The following TCAIM variants were observed in gnomAD, a reference collection of about 807,000 sequenced individuals.
The protein encoded by TCAIM is T cell activation inhibitor, mitochondrial, also known as T-cell activation inhibitor, mitochondrial.
In TCAIM, 36 loss-of-function variants were observed where a neutral mutation model predicts 58.6. The observed-to-expected ratio is 0.61, with a 90% CI of 0.47 to 0.81. The LOEUF (loss-of-function observed/expected upper bound fraction) is 0.81. Ranked by LOEUF, TCAIM falls within the 30% of genes least tolerant of loss-of-function variation. TCAIM has a pLI of 0.00. For synonymous variants in TCAIM, 172 were observed against 193.6 expected, an observed-to-expected ratio of 0.89 and a Z score of 0.93; for missense variants, 466 against 579.6, an observed-to-expected ratio of 0.80 and a Z score of 2.01.
At chr3:44,358,456 T>C in intron 3 of TCAIM, 1 of 555,666 alleles carries the variant, frequency 1.8e-6, no homozygotes. Context: ...CTGAAAATAT[T>C]AGGGGAAAAA....
In TCAIM at chr3:44,365,534, G is replaced by A. The variant is rs541680144; in HGVS notation, c.320-1922G>A. The stretch of plus-strand genomic sequence containing the variant: ...GTAGAGACGGAGTTTCACCTTGTTG[G>A]CCAGGCTGGTCTCCAACTCCTGGCC... On this transcript the variant is annotated intron_variant, in intron 4 of 10. Transcript: ENST00000342649. Among the ~76,000 whole-genome samples, 250 of 152,140 alleles carry A rather than the reference G, an allele frequency of 1.6e-3. 1 individual carries two copies. Among genetic ancestry groups the A allele is most frequent in the African/African-American group, 5.8e-3 (241 of 41,512 alleles).
At chr3:44,366,379 C>T (rs1385691366) in intron 4 of TCAIM, among the ~76,000 whole-genome samples, 1 of 151,844 alleles carries the variant, frequency 6.6e-6, no homozygotes, top group Non-Finnish European at 1.5e-5. Context: ...CCTCCGCCTC[C>T]CAGGTTCAAG....
At chr3:44,401,886 A>G (rs1178310639) in intron 10 of TCAIM, among the ~76,000 whole-genome samples, 2 of 152,068 alleles carry the variant, frequency 1.3e-5, no homozygotes, top group African/African-American at 4.8e-5. Context: ...TACAAAAGTT[A>G]TCCAGGTGTT....
At chr3:44,407,214 A>G (rs1702114175) in intron 10 of TCAIM, among the ~76,000 whole-genome samples, 1 of 152,214 alleles carries the variant, frequency 6.6e-6, no homozygotes, top group South Asian at 2.1e-4. Flanking sequence ...TAAAAACATT[A>G]ACAAATACTT....
chr3:44,375,839 C>T (rs969307514), intron 5 of TCAIM, among the ~76,000 whole-genome samples: 1 of 152,178 alleles, frequency 6.6e-6, no homozygotes, highest in Non-Finnish European at 1.5e-5. Flanking sequence ...CCTAGGTATA[C>T]ACTCAAGAGA....
chr3:44,393,856 T>C (rs1237107682), intron 6 of TCAIM, among the ~76,000 whole-genome samples: 1 of 152,238 alleles, frequency 6.6e-6, no homozygotes, highest in Non-Finnish European at 1.5e-5. Flanking sequence ...TTTTATATTA[T>C]ATAGCAGGAC....
chr3:44,341,488 C>T (rs528626006), intron 1 of TCAIM: 1 of 151,974 alleles, frequency 6.6e-6, no homozygotes, highest in Non-Finnish European at 1.5e-5. Flanking sequence ...TGAAATTATT[C>T]ATCTGTACTT....
chr3:44,370,888 T>C (rs2125639564), intron 5 of TCAIM, among the ~76,000 whole-genome samples: 1 of 149,910 alleles, frequency 6.7e-6, no homozygotes, highest in East Asian at 2.0e-4. Flanking sequence ...ACTACAGGCA[T>C]GTGCCACCAT....
chr3:44,406,917 G>A (rs1055391422), intron 10 of TCAIM, among the ~76,000 whole-genome samples: 7 of 152,186 alleles, frequency 4.6e-5, no homozygotes, highest in African/African-American at 1.7e-4. Flanking sequence ...GATGGAATAA[G>A]AGAGTTGTAA....
At chr3:44,381,567 A>G (rs1701655596) in intron 5 of TCAIM, among the ~76,000 whole-genome samples, 1 of 152,170 alleles carries the variant, frequency 6.6e-6, no homozygotes, top group Admixed American at 6.5e-5. Flanking sequence ...CATGTAACAT[A>G]AGGAAGTAGG....
intron 4 of TCAIM, 41 bp downstream of exon 4, chr3:44,361,559 G>A (rs761860289): frequency 6.9e-7 from 1 of 1,458,906 alleles, no homozygotes. Context: ...CAAGCTTAAT[G>A]TTAAATGTGT....
In TCAIM at chr3:44,401,283, T is replaced by C. The variant is rs191875479; in HGVS notation, c.1199T>C (p.Phe400Ser). 11 of 1,614,100 alleles carry C rather than the reference T, an allele frequency of 6.8e-6. No homozygotes were observed. In the Admixed American group the frequency reaches 1.5e-4, roughly 22 times the overall value. ...TGTGATCCAGCAAATCTCCAGTGGT[T>C]TATTCTCACCAAAGCTCAGCAGGCA... The part of the protein sequence containing the change: ...TLCDPANLQW[F>S]ILTKAQQARE... Residue 400 changes from phenylalanine (F) to serine (S), a missense_variant, in exon 10 of 11, where the codon TTT (phenylalanine) becomes TCT (serine). By Grantham distance (155) the Phe-to-Ser change is radical. Transcript: ENST00000342649.
chr3:44,343,544 T>C (rs1007702409), intron 1 of TCAIM, among the ~76,000 whole-genome samples: 3 of 152,222 alleles, frequency 2.0e-5, no homozygotes, highest in Non-Finnish European at 4.4e-5. Context: ...TTGTACTGAA[T>C]CTTTTAAATC....
chr3:44,369,334 G>C (rs1401035728), intron 5 of TCAIM, among the ~76,000 whole-genome samples: 1 of 152,164 alleles, frequency 6.6e-6, no homozygotes, highest in African/African-American at 2.4e-5. Flanking sequence ...ATAGAAAACA[G>C]TGAGATTGAA....
chr3:44,366,964 A>C (rs1701389766), intron 4 of TCAIM, among the ~76,000 whole-genome samples: 1 of 152,186 alleles, frequency 6.6e-6, no homozygotes, highest in African/African-American at 2.4e-5. Context: ...TATGAGGACC[A>C]TCTCCTTCAA....
At chr3:44,403,284 T>TAG (rs1376470323) in intron 10 of TCAIM, among the ~76,000 whole-genome samples, 1 of 151,890 alleles carries the variant, frequency 6.6e-6, no homozygotes, top group Non-Finnish European at 1.5e-5. Flanking sequence ...AATAAATAAA[T>TAG]AGAGAGAAGG....
chr3:44,343,062 G>C (rs570203674), intron 1 of TCAIM, among the ~76,000 whole-genome samples: 1 of 152,108 alleles, frequency 6.6e-6, no homozygotes, highest in South Asian at 2.1e-4. Context: ...GCTTGAACCT[G>C]GGAGGCAGAG....
intron 1 of TCAIM, among the ~76,000 whole-genome samples, chr3:44,351,347 G>A (rs370778162): frequency 6.8e-6 from 1 of 146,208 alleles, no homozygotes; most frequent in East Asian, 2.0e-4. Context: ...AGCCCCAAAT[G>A]TTTTTTTTTT....
At chr3:44,360,167 C>G (rs1052354610) in intron 3 of TCAIM, among the ~76,000 whole-genome samples, 1 of 152,004 alleles carries the variant, frequency 6.6e-6, no homozygotes, top group South Asian at 2.1e-4. Flanking sequence ...CCCTCTTTAC[C>G]CTGCAGTACT....
Sources: allele counts gnomAD v4.1 joint callset (sites outside exome capture counted in the v4.1 genomes callset), GRCh38; gene constraint gnomAD v4.1.1; transcripts MANE v1.5; gene names NCBI Gene and HGNC (gene_info 2026-07-23, HGNC 2026-07-21).